SKA2: variants seen among roughly 807,000 people sequenced by gnomAD.
SKA2 encodes the protein spindle and kinetochore-associated protein 2.
A neutral mutation model predicts 16.9 loss-of-function variants in SKA2; 13 were observed. The observed-to-expected ratio is 0.77, with a 90% CI of 0.50 to 1.22. The LOEUF (loss-of-function observed/expected upper bound fraction) is 1.22, where lower values mean the gene tolerates loss of function less well. Ranked by LOEUF, SKA2 falls within the 50% of genes most tolerant of loss-of-function variation. The probability of loss-of-function intolerance (pLI) is 0.00; values close to 1 mark genes in which losing one functional copy is unlikely to be tolerated. For missense variants in SKA2, 107 were observed against 139.7 expected (o/e 0.77, Z 1.18); for synonymous variants, 47 against 48.5 (o/e 0.97, Z 0.13).
At chr17:59,150,764 G>A (rs1278729098) in intron 1 of SKA2, among the ~76,000 whole-genome samples, 1 of 151,772 alleles carries the variant, frequency 6.6e-6, no homozygotes, top group Non-Finnish European at 1.5e-5. Context: ...AATGACTTGG[G>A]GCAAGTAACT....
chr17:59,144,111 A>T (rs2046513448), intron 1 of SKA2, among the ~76,000 whole-genome samples: 1 of 151,810 alleles, frequency 6.6e-6, no homozygotes, highest in Admixed American at 6.6e-5. Context: ...AGCCGAGATC[A>T]CGCCCCCAGA....
chr17:59,122,589 C>A (rs543222598), intron 2 of SKA2, among the ~76,000 whole-genome samples: 2 of 151,936 alleles, frequency 1.3e-5, no homozygotes, highest in African/African-American at 4.8e-5. Context: ...CCAGCCTGGG[C>A]GACAGAGCAA....
chr17:59,134,946 C>T (rs1169971044), intron 1 of SKA2, among the ~76,000 whole-genome samples: 1 of 152,080 alleles, frequency 6.6e-6, no homozygotes, highest in African/African-American at 2.4e-5. Flanking sequence ...CAGATCCTCC[C>T]ACTTCAGCCT....
chr17:59,147,865 CAA>C (rs993515588), intron 1 of SKA2, among the ~76,000 whole-genome samples: 16 of 149,448 alleles, frequency 1.1e-4, no homozygotes, highest in African/African-American at 2.2e-4. Flanking sequence ...TTATTTGAGA[CAA>C]AGTCTCACTC....
intron 1 of SKA2, among the ~76,000 whole-genome samples, chr17:59,150,643 G>C (rs2046569978): frequency 6.6e-6 from 1 of 152,164 alleles, no homozygotes; most frequent in Admixed American, 6.5e-5. Flanking sequence ...TTAGGAGGCT[G>C]AGGAGGGAGG....
At chr17:59,129,936 GGAGA>G (rs1177595339) in intron 2 of SKA2, among the ~76,000 whole-genome samples, 1 of 138,668 alleles carries the variant, frequency 7.2e-6, no homozygotes, top group Non-Finnish European at 1.6e-5. Context: ...AAGGAAGGAA[GGAGA>G]GAAAGAGGGA....
chr17:59,121,746 C>T (rs1358738889), intron 2 of SKA2, among the ~76,000 whole-genome samples: 1 of 133,748 alleles, frequency 7.5e-6, no homozygotes, highest in Non-Finnish European at 1.5e-5. Flanking sequence ...CTCAGGAGTT[C>T]GAGACCAGCC....
At chr17:59,120,155 G>A (rs551815504) in intron 2 of SKA2, among the ~76,000 whole-genome samples, 22 of 152,128 alleles carry the variant, frequency 1.4e-4, no homozygotes, top group Non-Finnish European at 2.1e-4. Flanking sequence ...TGATCCGCCC[G>A]CCTCAACCTC....
rs115522702 is a variant in SKA2 at position 59,144,429 on chromosome 17, A to G, written c.33+10702T>C. Reference sequence around the variant, plus strand: ...TTCTGGGTATACACCTAAAACAACTAAAAACAGGGTCTTAAAGAGATATGT... The same window carrying G: ...TTCTGGGTATACACCTAAAACAACTGAAAACAGGGTCTTAAAGAGATATGT... On this transcript the variant is annotated intron_variant, in intron 1 of 3. Coordinates refer to ENST00000330137, the MANE Select transcript of SKA2 (RefSeq NM_182620.4). Among the ~76,000 whole-genome samples the G allele has an allele frequency of 3.1e-3, 475 of 152,318 alleles. 2 individuals carry two copies. The highest frequency in any genetic ancestry group is 0.011 in the African/African-American group (446 of 41,572).
At chr17:59,126,130 C>G (rs1228900690) in intron 2 of SKA2, among the ~76,000 whole-genome samples, 6 of 151,924 alleles carry the variant, frequency 3.9e-5, no homozygotes, top group Non-Finnish European at 7.4e-5. Flanking sequence ...GAGATCGCGC[C>G]ACTGCACTCC....
chr17:59,150,475 A>C (rs2046568653), intron 1 of SKA2, among the ~76,000 whole-genome samples: 1 of 152,128 alleles, frequency 6.6e-6, no homozygotes, highest in Admixed American at 6.6e-5. Context: ...AGTGGCTCAC[A>C]CCTATAATCC....
rs368367976 is a variant in SKA2, at chr17:59,127,638, C to T, written c.120+3643G>A. On this transcript the variant is annotated intron_variant, in intron 2 of 3. Transcript: ENST00000330137. Reference sequence around the variant, plus strand: ...CTGACATCAGATGATCAGCCTGCCTCAGTTTCCCAAAGTGCTGGGATTACA... The same window carrying T: ...CTGACATCAGATGATCAGCCTGCCTTAGTTTCCCAAAGTGCTGGGATTACA... Among the ~76,000 whole-genome samples, 15 of 152,252 alleles carry T rather than the reference C, an allele frequency of 9.9e-5. No individual in the cohort carries two copies. The East Asian group carries it at 2.9e-3, about 29-fold the overall frequency.
chr17:59,131,406 G>T, intron 1 of SKA2, 39 bp from the exon 2 acceptor site: 1 of 1,318,930 alleles, frequency 7.6e-7, no homozygotes, highest in Non-Finnish European at 1.0e-6. Flanking sequence ...TAAACCAAAA[G>T]ACTAATAGTA....
chr17:59,113,097 C>G (rs988629030), intron 3 of SKA2, among the ~76,000 whole-genome samples: 2 of 151,922 alleles, frequency 1.3e-5, no homozygotes, highest in Admixed American at 6.6e-5. Flanking sequence ...GTGGCGCACA[C>G]CTGTGGTCCC....
intron 2 of SKA2, 150 bp from the exon 3 acceptor site, chr17:59,119,645 G>A: frequency 1.4e-6 from 1 of 715,852 alleles, no homozygotes; most frequent in Non-Finnish European, 2.3e-6. Flanking sequence ...CATCAGATGG[G>A]AGGTGGGGAA....
At chr17:59,133,892 T>G (rs578101078) in intron 1 of SKA2, among the ~76,000 whole-genome samples, 17 of 152,218 alleles carry the variant, frequency 1.1e-4, no homozygotes, top group African/African-American at 3.9e-4. Context: ...CAATATCTTA[T>G]TTCCATCTCT....
intron 1 of SKA2, among the ~76,000 whole-genome samples, chr17:59,154,450 G>T (rs1446307266): frequency 6.6e-6 from 1 of 152,140 alleles, no homozygotes; most frequent in Non-Finnish European, 1.5e-5. Flanking sequence ...ACAGATGAAT[G>T]AAAGTGCACA....
At chr17:59,150,651 A>T (rs2046570118) in intron 1 of SKA2, among the ~76,000 whole-genome samples, 2 of 152,114 alleles carry the variant, frequency 1.3e-5, no homozygotes, top group Admixed American at 1.3e-4. Context: ...CTGAGGAGGG[A>T]GGATTATCTA....
rs151201885 is a variant in SKA2 at position 59,111,170 on chromosome 17, C to T, written c.*1107G>A. On this transcript the variant is annotated 3_prime_UTR_variant, in exon 4 of 4. Coordinates refer to ENST00000330137, the MANE Select transcript of SKA2 (RefSeq NM_182620.4). Reference sequence around the variant, plus strand: ...GCTAGAATTTAAAAGCTGCTACTTACATCTCAGATATGACTCCAAAGCCCA... The same window carrying T: ...GCTAGAATTTAAAAGCTGCTACTTATATCTCAGATATGACTCCAAAGCCCA... 25 of 152,310 alleles carry T rather than the reference C, an allele frequency of 1.6e-4. No homozygotes were observed. The highest frequency in any genetic ancestry group is 5.3e-4 in the African/African-American group (22 of 41,570). The allele number at this position is 152,310 out of a possible 1,614,324, so 9.4% of individuals were successfully genotyped here. A position where few individuals can be genotyped will look rare whatever the true frequency, so the allele number is the denominator to read the frequency against.
Sources: allele counts gnomAD v4.1 joint callset (sites outside exome capture counted in the v4.1 genomes callset), GRCh38; gene constraint gnomAD v4.1.1; transcripts MANE v1.5; gene names NCBI Gene and HGNC (gene_info 2026-07-23, HGNC 2026-07-21).